Variants in CYRIB observed in about 807,000 individuals in gnomAD.
CYRIB encodes CYFIP related Rac1 interactor B, also known as CYFIP-related Rac1 interactor B.
In CYRIB, 8 loss-of-function variants were observed where a neutral mutation model predicts 44.2. The observed-to-expected ratio is 0.18, with a 90% CI of 0.11 to 0.33. The LOEUF is 0.33. Among genes scored for constraint, CYRIB ranks in the 10% least tolerant of loss-of-function variants. The pLI is 1.00. For missense variants in CYRIB, 185 were observed against 382.8 expected, an observed-to-expected ratio of 0.48 and a Z score of 4.31; for synonymous variants, 131 against 127.2, an observed-to-expected ratio of 1.03 and a Z score of -0.20.
At chr8:130,002,643 T>G (rs2096933761) in intron 1 of CYRIB, among the ~76,000 whole-genome samples, 1 of 152,248 alleles carries the variant, frequency 6.6e-6, no homozygotes, top group Non-Finnish European at 1.5e-5. Flanking sequence ...AAGTCTTGTT[T>G]CCTATAAATG....
At chr8:129,989,875 A>G (rs916534226) in intron 1 of CYRIB, among the ~76,000 whole-genome samples, 1 of 137,656 alleles carries the variant, frequency 7.3e-6, no homozygotes, top group African/African-American at 2.8e-5. Context: ...ACTCCCACCT[A>G]TGAGTGAGAA....
rs1034234609 is a variant in CYRIB, at chr8:129,908,614, T to C, written c.-49-5264A>G. 2.6e-5 allele frequency among the ~76,000 whole-genome samples: 4 copies of C among 152,178 alleles called. No individual in the cohort carries two copies. The East Asian group carries it at 7.7e-4, about 29-fold the overall frequency. The stretch of plus-strand genomic sequence containing the variant: ...CATGGTCATTACCTTTTGTATTTAA[T>C]ATTTAATATTAAAATTACAATAATA... On this transcript the variant is annotated intron_variant, in intron 1 of 11. Coordinates refer to ENST00000519824, the Ensembl canonical transcript of CYRIB.
chr8:129,964,744 C>T (rs1358210871), intron 2 of CYRIB, among the ~76,000 whole-genome samples: 1 of 152,090 alleles, frequency 6.6e-6, no homozygotes, highest in East Asian at 1.9e-4. Flanking sequence ...GTGAGCCAGG[C>T]GTGGTGGCAC....
chr8:129,902,642 G>A (rs1212019349), intron 2 of CYRIB, among the ~76,000 whole-genome samples: 3 of 152,158 alleles, frequency 2.0e-5, no homozygotes, highest in Non-Finnish European at 2.9e-5. Context: ...CCGGCCTGAT[G>A]AGCTAGTTTT....
intron 2 of CYRIB, 144 bp from the exon 5 acceptor site, chr8:129,879,615 G>C (rs1388362900): frequency 1.6e-6 from 1 of 632,010 alleles, no homozygotes. Flanking sequence ...TGCTCTGGCA[G>C]ACAGCAAAAC....
rs200452808 is a variant in CYRIB, at chr8:129,965,021, G to A, written c.-243+5922C>T. On this transcript the variant is annotated intron_variant, in intron 2 of 14. Transcript: ENST00000401979. The stretch of plus-strand genomic sequence containing the variant: ...CCTCACATCCTTACCCGTGTGATCT[G>A]TCTTACCTGTGAGCAGATAACACAG... Among the ~76,000 whole-genome samples, 4 of 152,300 alleles carry A rather than the reference G, an allele frequency of 2.6e-5. No individual in the cohort carries two copies. In the East Asian group the frequency reaches 7.7e-4, roughly 29 times the overall value.
At chr8:129,928,960 A>G (rs1041555418) in intron 1 of CYRIB, among the ~76,000 whole-genome samples, 2 of 152,240 alleles carry the variant, frequency 1.3e-5, no homozygotes, top group African/African-American at 4.8e-5. Context: ...AAAAGAAAAC[A>G]TATGTCCACA....
rs868197858 is a variant in CYRIB at position 129,983,469 on chromosome 8, A to G, written c.-295-12474T>C. ...CAACAAAAAAGAAAAATAAATATAT[A>G]TATATGTATAAAAAATAAACCTGTT... On this transcript the variant is annotated intron_variant, in intron 1 of 14. Coordinates refer to the CYRIB transcript ENST00000401979. Among the ~76,000 whole-genome samples the G allele has an allele frequency of 8.5e-5, 13 of 152,114 alleles. No individual in the cohort carries two copies. The South Asian group carries it at 2.7e-3, about 31-fold the overall frequency.
intron 2 of CYRIB, among the ~76,000 whole-genome samples, chr8:129,902,333 C>T (rs2072646642): frequency 6.6e-6 from 1 of 152,166 alleles, no homozygotes; most frequent in Admixed American, 6.5e-5. Context: ...ATTCTCCCGC[C>T]TCAGCCACCC....
chr8:129,905,855 G>A (rs1489945117), intron 1 of CYRIB, among the ~76,000 whole-genome samples: 2 of 152,070 alleles, frequency 1.3e-5, no homozygotes, highest in Non-Finnish European at 2.9e-5. Flanking sequence ...GTCATAAATA[G>A]TAAATATTAA....
intron 1 of CYRIB, among the ~76,000 whole-genome samples, chr8:129,939,414 G>T (rs865821929): frequency 6.6e-6 from 1 of 151,848 alleles, no homozygotes; most frequent in South Asian, 2.1e-4. Flanking sequence ...GGGCAGGCCG[G>T]GGCCGCGGGG....
At chr8:129,995,395 A>G (rs1447530623) in intron 1 of CYRIB, among the ~76,000 whole-genome samples, 1 of 152,232 alleles carries the variant, frequency 6.6e-6, no homozygotes, top group Non-Finnish European at 1.5e-5. Context: ...CATCTAAAGT[A>G]GTAGCAAAAG....
At chr8:129,905,346 C>T (rs757499325) in intron 1 of CYRIB, among the ~76,000 whole-genome samples, 10 of 152,066 alleles carry the variant, frequency 6.6e-5, no homozygotes, top group African/African-American at 1.7e-4. Context: ...GCCTCCCAAG[C>T]GGCTAGGACT....
intron 5 of CYRIB, among the ~76,000 whole-genome samples, chr8:129,859,092 A>C (rs1377581113): frequency 1.3e-5 from 2 of 152,158 alleles, no homozygotes; most frequent in African/African-American, 4.8e-5. Context: ...TATTTATTGG[A>C]TACAAGACGA....
At chr8:129,957,480 C>T (rs1296795970) in intron 2 of CYRIB, among the ~76,000 whole-genome samples, 2 of 152,196 alleles carry the variant, frequency 1.3e-5, no homozygotes. Context: ...TCAAAAAGCA[C>T]AGCATCTAAG....
At chr8:129,871,594 G>A in intron 3 of CYRIB, 98 bp from the exon 6 acceptor site, 1 of 1,216,840 alleles carries the variant, frequency 8.2e-7, no homozygotes, top group South Asian at 1.5e-5. Flanking sequence ...TTCCAAAGAT[G>A]AGTTAATTCT....
chr8:129,876,537 A>G (rs894870725), intron 3 of CYRIB, among the ~76,000 whole-genome samples: 1 of 152,218 alleles, frequency 6.6e-6, no homozygotes, highest in African/African-American at 2.4e-5. Flanking sequence ...AGTGAAAAAC[A>G]GTTACAGGGG....
intron 1 of CYRIB, among the ~76,000 whole-genome samples, chr8:129,998,337 G>T (rs1390093448): frequency 6.6e-6 from 1 of 152,016 alleles, no homozygotes; most frequent in East Asian, 1.9e-4. Flanking sequence ...ATGGGGGTCT[G>T]GTCTGAATTT....
intron 2 of CYRIB, among the ~76,000 whole-genome samples, chr8:129,891,875 C>T (rs1364897623): frequency 1.3e-5 from 2 of 152,116 alleles, no homozygotes; most frequent in Non-Finnish European, 2.9e-5. Flanking sequence ...TCTTATTTCA[C>T]CTATTTCTGT....
Sources: allele counts gnomAD v4.1 joint callset (sites outside exome capture counted in the v4.1 genomes callset), GRCh38; gene constraint gnomAD v4.1.1; transcripts MANE v1.5; gene names NCBI Gene and HGNC (gene_info 2026-07-23, HGNC 2026-07-21).